ANKRD26: variants seen among roughly 807,000 people sequenced by gnomAD.
The protein encoded by ANKRD26 is ankyrin repeat domain-containing protein 26.
ANKRD26 carries 141 observed loss-of-function variants against 208.7 expected under a neutral mutation model. The ratio of observed to expected loss-of-function variants is 0.68; its 90% CI spans 0.59 to 0.78. The LOEUF (loss-of-function observed/expected upper bound fraction) is 0.78, where lower values mean the gene tolerates loss of function less well. ANKRD26 is among the 30% of genes least tolerant of loss of function. The probability of loss-of-function intolerance (pLI) is 0.00; values close to 1 mark genes in which losing one functional copy is unlikely to be tolerated. For missense variants in ANKRD26, 1,889 were observed against 1,938.7 expected (o/e 0.97, Z 0.48); for synonymous variants, 636 against 660.4 (o/e 0.96, Z 0.57).
chr10:26,952,869 A>G, the ANKRD26 span, among the ~76,000 whole-genome samples: 1 of 152,216 alleles, frequency 6.6e-6, no homozygotes, highest in African/African-American at 2.4e-5. Flanking sequence ...GCTAAAGAAC[A>G]GACTTCTCTT....
chr10:26,967,925 C>T, the ANKRD26 span, among the ~76,000 whole-genome samples: 2 of 152,126 alleles, frequency 1.3e-5, no homozygotes, highest in Non-Finnish European at 2.9e-5. Flanking sequence ...AATTAGTCTC[C>T]AACTTGATGT....
downstream of ANKRD26, among the ~76,000 whole-genome samples, chr10:26,973,649 C>CT (rs71386903): frequency 0.032 from 2,850 of 88,150 alleles, 317 homozygotes; most frequent in African/African-American, 0.1. Context: ...TTTATTTGTC[C>CT]TTTTTTTTTT....
chr10:26,954,376 G>C, the ANKRD26 span, among the ~76,000 whole-genome samples: 1 of 152,174 alleles, frequency 6.6e-6, no homozygotes, highest in African/African-American at 2.4e-5. Flanking sequence ...GCTTTGGGTT[G>C]TTTCTGTGCT....
chr10:26,991,681 T>C (rs1275094334), downstream of ANKRD26, among the ~76,000 whole-genome samples: 1 of 152,204 alleles, frequency 6.6e-6, no homozygotes, highest in Non-Finnish European at 1.5e-5. Flanking sequence ...CCTCAGGTGA[T>C]CCACCTGCCT....
chr10:27,053,435 T>A (rs1261587518), intron 15 of ANKRD26, 45 bp from the exon 16 acceptor site: 4 of 1,300,266 alleles, frequency 3.1e-6, no homozygotes, highest in Non-Finnish European at 4.4e-6. Flanking sequence ...CTTAGAACAG[T>A]TAGGTAAAAG....
intron 27 of ANKRD26, 49 bp from the exon 28 acceptor site, chr10:27,024,608 T>C (rs1171022675): frequency 1.8e-6 from 2 of 1,102,228 alleles, no homozygotes. Context: ...GGAAACACTT[T>C]TTTTCTTAAA....
At chr10:27,085,053 C>T (rs886493043) in intron 5 of ANKRD26, among the ~76,000 whole-genome samples, 6 of 151,678 alleles carry the variant, frequency 4.0e-5, no homozygotes, top group African/African-American at 1.5e-4. Context: ...AGCAAGATTA[C>T]TGTTATCATG....
intron 17 of ANKRD26, among the ~76,000 whole-genome samples, chr10:27,047,739 A>AATAATTATT (rs1356208709): frequency 1.4e-3 from 68 of 49,334 alleles, no homozygotes; most frequent in African/African-American, 2.5e-3. Flanking sequence ...TAATAATAAT[A>AATAATTATT]ATTATTATTA....
chr10:26,947,966 C>T, the ANKRD26 span, among the ~76,000 whole-genome samples: 1 of 152,176 alleles, frequency 6.6e-6, no homozygotes, highest in Admixed American at 6.5e-5. Context: ...CGATATGAGA[C>T]AATCTAGCTT....
intron 1 of ANKRD26, among the ~76,000 whole-genome samples, chr10:27,098,327 C>T (rs2056532138): frequency 6.6e-6 from 1 of 151,156 alleles, no homozygotes; most frequent in South Asian, 2.1e-4. Flanking sequence ...CCCTTTACTT[C>T]TGAAAAGGAT....
chr10:27,070,713 T>A (rs1414205326), intron 9 of ANKRD26, among the ~76,000 whole-genome samples: 1 of 151,810 alleles, frequency 6.6e-6, no homozygotes, highest in Non-Finnish European at 1.5e-5. Context: ...TCGCCCAGAA[T>A]GGAGTACAAT....
rs11294303 is a variant in ANKRD26, at chr10:27,028,585, C to CAAAAAAAAAAAAAA, written c.3972+253_3972+266dup. Among the ~76,000 whole-genome samples the CAAAAAAAAAAAAAA allele has an allele frequency of 6.8e-4, 52 of 76,056 alleles. 2 individuals are homozygous for CAAAAAAAAAAAAAA. Among genetic ancestry groups the CAAAAAAAAAAAAAA allele is most frequent in the South Asian group, 1.4e-3 (3 of 2,110 alleles). The allele number at this position is 76,056 out of a possible 152,430, so 49.9% of individuals were successfully genotyped here. A position where few individuals can be genotyped will look rare whatever the true frequency, so the allele number is the denominator to read the frequency against. On this transcript the variant is annotated intron_variant, in intron 27 of 33. Coordinates refer to ENST00000376087, the MANE Select transcript of ANKRD26 (RefSeq NM_014915.3). ...TGGGCGACAGAGTGAGACTCCATCTCAAAAAAAAAAAAAAAAAAAAATTAC... is the reference window on the plus strand; with the variant it reads ...TGGGCGACAGAGTGAGACTCCATCTCAAAAAAAAAAAAAAAAAAAAAAAAAAAAAAAAAAATTAC...
At chr10:26,971,159 A>G (rs1429432456), downstream of ANKRD26, among the ~76,000 whole-genome samples, 1 of 149,676 alleles carries the variant, frequency 6.7e-6, no homozygotes, top group African/African-American at 2.5e-5. Context: ...GCCAAGGTGG[A>G]TATCACTTGA....
chr10:26,999,272 G>A (rs1441235634), downstream of ANKRD26, among the ~76,000 whole-genome samples: 1 of 152,192 alleles, frequency 6.6e-6, no homozygotes, highest in Non-Finnish European at 1.5e-5. Flanking sequence ...ATATTTGCAT[G>A]ACAATTCGCC....
At chr10:26,986,733 C>T (rs1169365760) in intron 3 of ANKRD26, among the ~76,000 whole-genome samples, 7 of 152,276 alleles carry the variant, frequency 4.6e-5, no homozygotes, top group South Asian at 2.1e-4. Flanking sequence ...CAATGAGATA[C>T]CATCTCACAC....
At chr10:27,049,528 C>A (rs1351001074) in intron 16 of ANKRD26, among the ~76,000 whole-genome samples, 2 of 152,108 alleles carry the variant, frequency 1.3e-5, no homozygotes, top group Non-Finnish European at 2.9e-5. Flanking sequence ...ATACAGAAAC[C>A]AAGGTTTGCC....
intron 17 of ANKRD26, 122 bp from the exon 18 acceptor site, chr10:27,046,645 G>T: frequency 2.2e-6 from 2 of 918,564 alleles, no homozygotes; most frequent in African/African-American, 1.7e-5. Flanking sequence ...ATGTTTTCTA[G>T]TAATTCTAAC....
chr10:26,957,729 A>G, the ANKRD26 span, among the ~76,000 whole-genome samples: 1 of 152,210 alleles, frequency 6.6e-6, no homozygotes, highest in East Asian at 1.9e-4. Flanking sequence ...CTCAGGAACA[A>G]TTTTTAAGAC....
chr10:27,028,166 A>C (rs1198718272), intron 27 of ANKRD26, among the ~76,000 whole-genome samples: 1 of 152,236 alleles, frequency 6.6e-6, no homozygotes, highest in Non-Finnish European at 1.5e-5. Flanking sequence ...TTTGAAATCC[A>C]AAATGTTCCA....
Sources: allele counts gnomAD v4.1 joint callset (sites outside exome capture counted in the v4.1 genomes callset), GRCh38; gene constraint gnomAD v4.1.1; transcripts MANE v1.5; gene names NCBI Gene and HGNC (gene_info 2026-07-23, HGNC 2026-07-21).